Variants in CTIF observed in about 807,000 individuals in gnomAD.
CTIF encodes cap binding complex dependent translation initiation factor, also known as CBP80/20-dependent translation initiation factor.
Under a neutral mutation model 66.0 loss-of-function variants are expected in CTIF, and 21 were observed. The ratio of observed to expected loss-of-function variants is 0.32; its 90% CI spans 0.23 to 0.46. The LOEUF (loss-of-function observed/expected upper bound fraction) is 0.46, where lower values mean the gene tolerates loss of function less well. Among genes scored for constraint, CTIF ranks in the 20% least tolerant of loss-of-function variants. The pLI is 1.00. For synonymous variants in CTIF, 345 were observed against 326.4 expected (o/e 1.06, Z -0.62); for missense variants, 739 against 812.7 (o/e 0.91, Z 1.10).
At chr18:48,611,161 C>T (rs78960481) in intron 1 of CTIF, among the ~76,000 whole-genome samples, 6,439 of 152,320 alleles carry the variant, frequency 0.042, 171 homozygotes, top group African/African-American at 0.072. Flanking sequence ...TCCTCACCTG[C>T]GTGGCAGCAG....
rs2090897834 is a variant in CTIF at position 48,639,982 on chromosome 18, A to G, written c.252+3297A>G. 2.6e-5 allele frequency among the ~76,000 whole-genome samples: 4 copies of G among 152,202 alleles called. No homozygotes were observed. In the South Asian group the frequency reaches 8.3e-4, roughly 32 times the overall value. On this transcript the variant is annotated intron_variant, in intron 3 of 11. Coordinates refer to ENST00000256413, the MANE Select transcript of CTIF (RefSeq NM_014772.3). Reference sequence around the variant, plus strand: ...TCCTTTGAGTGACGGCACCCCAAGGAAAGCCCCATGTAGCTGGCCTGTGGC... The same window carrying G: ...TCCTTTGAGTGACGGCACCCCAAGGGAAGCCCCATGTAGCTGGCCTGTGGC...
intron 6 of CTIF, among the ~76,000 whole-genome samples, chr18:48,685,712 T>C (rs755913451): frequency 9.2e-5 from 14 of 152,084 alleles, no homozygotes; most frequent in Non-Finnish European, 1.9e-4. Flanking sequence ...AGTCATGCTC[T>C]GTTGCCCAGG....
chr18:48,822,767 C>A (rs1296134424), intron 10 of CTIF, among the ~76,000 whole-genome samples: 3 of 152,190 alleles, frequency 2.0e-5, no homozygotes, highest in Non-Finnish European at 2.9e-5. Flanking sequence ...CACCATTTTG[C>A]ATTTCTACCA....
intron 7 of CTIF, among the ~76,000 whole-genome samples, chr18:48,721,817 GA>G (rs2092340447): frequency 6.6e-6 from 1 of 152,150 alleles, no homozygotes; most frequent in African/African-American, 2.4e-5. Flanking sequence ...AGAAGTCATG[GA>G]ATCTGGATTT....
At chr18:48,549,413 C>T (rs912330897) in intron 1 of CTIF, among the ~76,000 whole-genome samples, 2 of 152,130 alleles carry the variant, frequency 1.3e-5, no homozygotes, top group African/African-American at 2.4e-5. Context: ...AGTGTACTAA[C>T]GATGGCTTTA....
chr18:48,742,793 C>T (rs1212521495), intron 7 of CTIF, among the ~76,000 whole-genome samples: 1 of 152,168 alleles, frequency 6.6e-6, no homozygotes, highest in Non-Finnish European at 1.5e-5. Context: ...GTCTGGCTCT[C>T]CCTGCTTCTG....
At chr18:48,736,626 CAT>C in intron 7 of CTIF, among the ~76,000 whole-genome samples, 1 of 152,308 alleles carries the variant, frequency 6.6e-6, no homozygotes, top group South Asian at 2.1e-4. Context: ...GAAGGAAAAA[CAT>C]ATAGAATGGG....
At chr18:48,702,986 G>A (rs994466109) in intron 6 of CTIF, among the ~76,000 whole-genome samples, 4 of 152,008 alleles carry the variant, frequency 2.6e-5, no homozygotes, top group Admixed American at 6.5e-5. Context: ...TATTGTCAGA[G>A]GAGCTGTGCT....
At chr18:48,672,606 T>C (rs2091554218) in intron 6 of CTIF, among the ~76,000 whole-genome samples, 1 of 152,070 alleles carries the variant, frequency 6.6e-6, no homozygotes, top group South Asian at 2.1e-4. Flanking sequence ...GAGACTTTCT[T>C]AGACAAAAAT....
At chr18:48,674,320 G>A (rs190855735) in intron 6 of CTIF, among the ~76,000 whole-genome samples, 32 of 152,356 alleles carry the variant, frequency 2.1e-4, no homozygotes, top group African/African-American at 6.5e-4. Flanking sequence ...TCCTCTCCCA[G>A]TACACCCCAC....
At chr18:48,741,004 C>G (rs532016042) in intron 7 of CTIF, among the ~76,000 whole-genome samples, 1 of 152,314 alleles carries the variant, frequency 6.6e-6, no homozygotes, top group African/African-American at 2.4e-5. Context: ...GTTTCATCAG[C>G]TATAAAATGA....
In CTIF at chr18:48,761,765, C is replaced by A; in HGVS notation, c.1371+76C>A. On this transcript the variant is annotated intron_variant, in intron 9 of 11. Coordinates refer to ENST00000256413, the MANE Select transcript of CTIF (RefSeq NM_014772.3). This position sits in a 1 kb window ranked among gnomAD's most constrained non-coding sequence, Gnocchi z 4.2. ...CGGTGAGTTATTCCTAGCGAGAAGG[C>A]TGCGAGTTCTGGCCACAGTTGGACT... The A allele has an allele frequency of 7.1e-7, 1 of 1,403,200 alleles. No individual in the cohort carries two copies. The highest frequency in any genetic ancestry group is 1.3e-5 in the South Asian group (1 of 75,582). The allele number at this position is 1,403,200 out of a possible 1,614,324, so 86.9% of individuals were successfully genotyped here. A position where few individuals can be genotyped will look rare whatever the true frequency, so the allele number is the denominator to read the frequency against.
chr18:48,550,287 G>A (rs913894324), intron 1 of CTIF, among the ~76,000 whole-genome samples: 29 of 152,226 alleles, frequency 1.9e-4, no homozygotes, highest in African/African-American at 6.8e-4. Flanking sequence ...GACTGGAAAG[G>A]CCTGAGGGCC....
intron 6 of CTIF, among the ~76,000 whole-genome samples, chr18:48,707,364 A>T (rs2092170067): frequency 6.6e-6 from 1 of 152,158 alleles, no homozygotes; most frequent in Admixed American, 6.5e-5. Context: ...CTTTTTCCAG[A>T]TTTCAGGAAC....
chr18:48,563,952 G>T (rs944407435), intron 1 of CTIF, among the ~76,000 whole-genome samples: 2 of 152,116 alleles, frequency 1.3e-5, no homozygotes, highest in African/African-American at 4.8e-5. Context: ...CCCCTCAAAA[G>T]GCTCAAAGAC....
At chr18:48,773,115 A>G (rs1910332808) in intron 9 of CTIF, among the ~76,000 whole-genome samples, 1 of 152,172 alleles carries the variant, frequency 6.6e-6, no homozygotes, top group Admixed American at 6.5e-5. Context: ...GGTTCTTGAG[A>G]TGTAGAGTTC....
At chr18:48,834,165 C>A (rs1294585358) in intron 10 of CTIF, among the ~76,000 whole-genome samples, 1 of 152,136 alleles carries the variant, frequency 6.6e-6, no homozygotes, top group Admixed American at 6.5e-5. Context: ...CCGAGTTTAA[C>A]CACATCCCTG....
chr18:48,817,762 G>A (rs767841663), intron 10 of CTIF, among the ~76,000 whole-genome samples: 45 of 146,038 alleles, frequency 3.1e-4, no homozygotes, highest in Non-Finnish European at 4.6e-4. Context: ...GCGACAGAGC[G>A]AGACTCGGTC....
intron 10 of CTIF, among the ~76,000 whole-genome samples, chr18:48,837,397 G>T (rs1451459476): frequency 1.3e-5 from 2 of 152,094 alleles, no homozygotes; most frequent in East Asian, 3.9e-4. Flanking sequence ...CACATCCGGG[G>T]TTCAAATTCT....
Sources: allele counts gnomAD v4.1 joint callset (sites outside exome capture counted in the v4.1 genomes callset), GRCh38; gene constraint gnomAD v4.1.1; non-coding constraint Gnocchi (gnomAD v3.1); transcripts MANE v1.5; gene names NCBI Gene and HGNC (gene_info 2026-07-23, HGNC 2026-07-21).